PIP5K1B: variants seen among roughly 807,000 people sequenced by gnomAD.
PIP5K1B encodes phosphatidylinositol 4-phosphate 5-kinase type-1 beta.
Under a neutral mutation model 67.0 loss-of-function variants are expected in PIP5K1B, and 42 were observed. The observed-to-expected ratio is 0.63, with a 90% CI of 0.49 to 0.81. The LOEUF is 0.81. PIP5K1B is among the 30% of genes least tolerant of loss of function. The probability of loss-of-function intolerance (pLI) is 0.00; values close to 1 mark genes in which losing one functional copy is unlikely to be tolerated. For missense variants in PIP5K1B, 459 were observed against 646.3 expected, an observed-to-expected ratio of 0.71 and a Z score of 3.14; for synonymous variants, 214 against 231.4, an observed-to-expected ratio of 0.92 and a Z score of 0.68.
chr9:68,940,400 C>T (rs1827498043), intron 13 of PIP5K1B, among the ~76,000 whole-genome samples: 1 of 152,096 alleles, frequency 6.6e-6, no homozygotes, highest in African/African-American at 2.4e-5. Context: ...TTTAAAAGAA[C>T]ATTCATAATG....
chr9:68,776,204 T>C (rs1172392860), intron 2 of PIP5K1B, among the ~76,000 whole-genome samples: 1 of 152,242 alleles, frequency 6.6e-6, no homozygotes, highest in East Asian at 1.9e-4. Context: ...TTAGATTATA[T>C]ACATACACAC....
chr9:68,739,067 T>A (rs934606683), intron 1 of PIP5K1B, among the ~76,000 whole-genome samples: 1 of 152,236 alleles, frequency 6.6e-6, no homozygotes, highest in African/African-American at 2.4e-5. Flanking sequence ...CCGTTGGCAT[T>A]TGATCATCGA....
chr9:68,746,589 A>G (rs1203796873), intron 2 of PIP5K1B, among the ~76,000 whole-genome samples: 1 of 152,124 alleles, frequency 6.6e-6, no homozygotes, highest in Non-Finnish European at 1.5e-5. Context: ...AGATACCCAC[A>G]CCAAGGAGAG....
intron 1 of PIP5K1B, among the ~76,000 whole-genome samples, chr9:68,722,773 G>A (rs906532193): frequency 2.6e-5 from 4 of 151,952 alleles, no homozygotes; most frequent in Non-Finnish European, 4.4e-5. Flanking sequence ...TCAGGGTAAT[G>A]AGGATATCAC....
intron 6 of PIP5K1B, among the ~76,000 whole-genome samples, chr9:68,888,332 A>G (rs1824592789): frequency 6.6e-6 from 1 of 152,214 alleles, no homozygotes; most frequent in Non-Finnish European, 1.5e-5. Context: ...TGCATCTACC[A>G]AGATAAAAAG....
intron 4 of PIP5K1B, 133 bp downstream of exon 4, chr9:68,822,816 T>C (rs1209554244): frequency 1.5e-6 from 1 of 669,324 alleles, no homozygotes; most frequent in East Asian, 2.7e-5. Flanking sequence ...TATAACTAAT[T>C]ACTGCAAATT....
chr9:68,818,591 G>T (rs1345732871), intron 3 of PIP5K1B, 46 bp downstream of exon 3: 3 of 152,540 alleles, frequency 2.0e-5, no homozygotes, highest in Non-Finnish European at 4.4e-5. Context: ...GATCAAATCA[G>T]TATAGAGCCC....
intron 12 of PIP5K1B, among the ~76,000 whole-genome samples, chr9:68,925,015 CATT>C (rs1447329001): frequency 1.3e-5 from 2 of 152,040 alleles, no homozygotes; most frequent in Non-Finnish European, 2.9e-5. Flanking sequence ...TTTCACATAA[CATT>C]ATAACATGAA....
intron 2 of PIP5K1B, among the ~76,000 whole-genome samples, chr9:68,816,714 C>A (rs1261859511): frequency 6.6e-6 from 1 of 152,016 alleles, no homozygotes; most frequent in African/African-American, 2.4e-5. Flanking sequence ...GATTTGGGGG[C>A]AATTAGGTGT....
intron 14 of PIP5K1B, among the ~76,000 whole-genome samples, chr9:68,951,572 G>A (rs1223706702): frequency 2.0e-5 from 3 of 152,106 alleles, no homozygotes; most frequent in Non-Finnish European, 4.4e-5. Flanking sequence ...TCGAGCCTTC[G>A]CCTTTTCCCT....
chr9:68,770,186 T>C (rs1211211605), intron 2 of PIP5K1B, among the ~76,000 whole-genome samples: 2 of 152,256 alleles, frequency 1.3e-5, no homozygotes, highest in Non-Finnish European at 2.9e-5. Flanking sequence ...TTCTGCTCAC[T>C]CTTAGGCAAT....
chr9:68,914,573 G>A (rs555612376), intron 8 of PIP5K1B, among the ~76,000 whole-genome samples: 1 of 152,242 alleles, frequency 6.6e-6, no homozygotes, highest in East Asian at 1.9e-4. Context: ...AAATTAGCAA[G>A]GCGTGGTGGC....
intron 1 of PIP5K1B, among the ~76,000 whole-genome samples, chr9:68,721,318 T>A (rs1827871683): frequency 6.6e-6 from 1 of 152,114 alleles, no homozygotes; most frequent in Non-Finnish European, 1.5e-5. Flanking sequence ...GAAAAGGACC[T>A]GAAGTAATGT....
chr9:68,847,039 T>G (rs1212938578), intron 4 of PIP5K1B, among the ~76,000 whole-genome samples: 1 of 152,192 alleles, frequency 6.6e-6, no homozygotes, highest in East Asian at 1.9e-4. Flanking sequence ...TTTTTATTTT[T>G]TTCTTTTTGT....
intron 2 of PIP5K1B, among the ~76,000 whole-genome samples, chr9:68,815,512 A>G (rs906491659): frequency 2.6e-5 from 4 of 152,156 alleles, no homozygotes; most frequent in Admixed American, 6.5e-5. Flanking sequence ...AAATAAGTCA[A>G]TAAGACAATG....
intron 1 of PIP5K1B, among the ~76,000 whole-genome samples, chr9:68,715,524 A>T (rs1827593291): frequency 6.6e-6 from 1 of 152,188 alleles, no homozygotes; most frequent in Non-Finnish European, 1.5e-5. Flanking sequence ...TACTTTTGAA[A>T]GGAGGCCTTG....
intron 6 of PIP5K1B, among the ~76,000 whole-genome samples, chr9:68,880,397 A>G (rs1471381456): frequency 1.3e-5 from 2 of 152,140 alleles, no homozygotes; most frequent in African/African-American, 4.8e-5. Flanking sequence ...TACCAAAAAT[A>G]CAAAAACGTT....
intron 7 of PIP5K1B, among the ~76,000 whole-genome samples, chr9:68,892,915 A>G (rs1477724131): frequency 6.6e-6 from 1 of 152,092 alleles, no homozygotes; most frequent in African/African-American, 2.4e-5. Flanking sequence ...TCTACTAAGA[A>G]TACAAAAATT....
intron 14 of PIP5K1B, among the ~76,000 whole-genome samples, chr9:68,976,573 T>C (rs546767523): frequency 1.2e-4 from 19 of 152,344 alleles, no homozygotes; most frequent in African/African-American, 4.6e-4. Context: ...CGGTGCCCTA[T>C]GACAGTGGTC....
Sources: gnomAD v4.1 joint callset for allele counts (sites outside exome capture counted in the v4.1 genomes callset) on GRCh38, gnomAD v4.1.1 for gene constraint, MANE v1.5 for transcripts, NCBI Gene and HGNC (gene_info 2026-07-23, HGNC 2026-07-21) for gene names.